Variants in PRRC2B observed in about 807,000 individuals in gnomAD.
PRRC2B encodes the protein protein PRRC2B.
In PRRC2B, 68 loss-of-function variants were observed where a neutral mutation model predicts 242.3. That is an observed-to-expected ratio of 0.28 (90% CI 0.23 to 0.34). The LOEUF (loss-of-function observed/expected upper bound fraction) is 0.34, where lower values mean the gene tolerates loss of function less well. Ranked by LOEUF, PRRC2B falls within the 10% of genes least tolerant of loss-of-function variation. The pLI is 1.00. For synonymous variants in PRRC2B, 1,228 were observed against 1,173.6 expected, an observed-to-expected ratio of 1.05 and a Z score of -0.95; for missense variants, 2,835 against 2,954.8, an observed-to-expected ratio of 0.96 and a Z score of 0.94.
intron 26 of PRRC2B, 136 bp downstream of exon 26, chr9:131,486,318 C>G (rs573881899): frequency 1.2e-6 from 1 of 834,606 alleles, no homozygotes; most frequent in Non-Finnish European, 1.8e-6. Context: ...CAGCACCTGG[C>G]CCGCCACGGC....
chr9:131,491,248 C>T (rs952726825), intron 28 of PRRC2B, 177 bp from the exon 29 acceptor site: 111 of 613,670 alleles, frequency 1.8e-4, no homozygotes, highest in African/African-American at 3.8e-5. Context: ...GGTGTGAAAT[C>T]CTGGGCGATC....
intron 1 of PRRC2B, among the ~76,000 whole-genome samples, chr9:131,394,487 G>A (rs1245869588): frequency 6.8e-6 from 1 of 147,410 alleles, no homozygotes; most frequent in South Asian, 2.1e-4. Flanking sequence ...GGCGGGCCCG[G>A]GCGCGCTCGC....
intron 3 of PRRC2B, 72 bp from the exon 4 acceptor site, chr9:131,436,548 C>A: frequency 1.7e-6 from 2 of 1,196,668 alleles, no homozygotes; most frequent in Non-Finnish European, 2.4e-6. Context: ...ACAGCTGTGG[C>A]TCCTGAGAAC....
intron 1 of PRRC2B, among the ~76,000 whole-genome samples, chr9:131,420,039 G>A (rs956613387): frequency 1.2e-4 from 18 of 152,070 alleles, no homozygotes; most frequent in African/African-American, 4.1e-4. Flanking sequence ...CTGGGGGTGG[G>A]GAGTGCTTCT....
intron 1 of PRRC2B, among the ~76,000 whole-genome samples, chr9:131,423,188 ATGCTAACC>A (rs1837889001): frequency 6.6e-6 from 1 of 152,218 alleles, no homozygotes; most frequent in Non-Finnish European, 1.5e-5. Context: ...GGTTTGACTT[ATGCTAACC>A]TGCGAGGACT....
Position 131,487,004 on chromosome 9 carries a change from G to A in PRRC2B, c.5857-163G>A, listed in dbSNP as rs556937229. Among the ~76,000 whole-genome samples the A allele has an allele frequency of 6.6e-6, 1 of 152,252 alleles. No individual in the cohort carries two copies. The highest frequency in any genetic ancestry group is 2.4e-5 in the African/African-American group (1 of 41,528). On this transcript the variant is annotated intron_variant, in intron 26 of 31. Transcript: ENST00000683519. The surrounding 1 kb of genome is among the most constrained non-coding windows in gnomAD (Gnocchi z 5.3). ...GGTTGCTACCAGTTTTTCATTATAG[G>A]CTTTATCCCAATAGCAAGGGAAGCC...
intron 1 of PRRC2B, among the ~76,000 whole-genome samples, chr9:131,400,627 G>A (rs1482111460): frequency 2.6e-5 from 4 of 151,976 alleles, no homozygotes; most frequent in Admixed American, 1.3e-4. Flanking sequence ...CACCCAGGCT[G>A]TTTCAGACTC....
chr9:131,430,329 C>A, intron 2 of PRRC2B, 70 bp downstream of exon 2: 1 of 941,178 alleles, frequency 1.1e-6, no homozygotes, highest in Non-Finnish European at 1.7e-6. Flanking sequence ...ACCCAGAGTC[C>A]CTCACCTGGT....
rs1205030101 is a variant in PRRC2B at position 131,498,618 on chromosome 9, T to G, written c.*2744T>G. On this transcript the variant is annotated 3_prime_UTR_variant, in exon 32 of 32. Transcript: ENST00000683519. ...TTATTTTGTTTTCAAACCCCCATCC[T>G]CAGAGCGCAGATACATGCAGAGGCT... The G allele has an allele frequency of 1.3e-5, 2 of 152,250 alleles. No homozygotes were observed. The highest frequency in any genetic ancestry group is 6.3e-3 in the Middle Eastern group (2 of 316). The allele number at this position is 152,250 out of a possible 1,614,324, so 9.4% of individuals were successfully genotyped here. A position where few individuals can be genotyped will look rare whatever the true frequency, so the allele number is the denominator to read the frequency against.
rs902621536 is a variant in PRRC2B, at chr9:131,477,655, G to T, written c.4407-89G>T. ...GCTAGAGGAAGTGGGCCTAGATCAG[G>T]GTGCCGGGCTTGTGTGCAGGCTGTG... On this transcript the variant is annotated intron_variant, in intron 16 of 31. Coordinates refer to ENST00000683519, the MANE Select transcript of PRRC2B (RefSeq NM_013318.4). 7.8e-6 allele frequency: 6 copies of T among 773,544 alleles called. No homozygotes were observed. In the Admixed American group the frequency reaches 1.4e-4, roughly 18 times the overall value. The allele number at this position is 773,544 out of a possible 1,614,324, so 47.9% of individuals were successfully genotyped here.
chr9:131,400,344 C>T (rs1365707357), intron 1 of PRRC2B, among the ~76,000 whole-genome samples: 1 of 150,116 alleles, frequency 6.7e-6, no homozygotes, highest in Non-Finnish European at 1.5e-5. Context: ...TTTGAGATGG[C>T]ATCTTGTTCT....
chr9:131,488,320 G>A (rs148591480), intron 28 of PRRC2B, among the ~76,000 whole-genome samples: 2,808 of 150,566 alleles, frequency 0.019, 96 homozygotes, highest in African/African-American at 0.065. Context: ...CTGGAGTGCA[G>A]TGGCATGATC....
At chr9:131,447,389 A>G (rs1056091754) in intron 8 of PRRC2B, among the ~76,000 whole-genome samples, 183 bp downstream of exon 8, 3 of 152,016 alleles carry the variant, frequency 2.0e-5, no homozygotes, top group South Asian at 2.1e-4. Flanking sequence ...AGATTGAGTC[A>G]TGATTTCAAG....
chr9:131,397,532 C>T (rs1375913205), intron 1 of PRRC2B, among the ~76,000 whole-genome samples: 1 of 135,444 alleles, frequency 7.4e-6, no homozygotes, highest in Admixed American at 7.3e-5. Context: ...CTTTTTTTAT[C>T]CTGAAGGATT....
intron 14 of PRRC2B, among the ~76,000 whole-genome samples, chr9:131,472,635 C>A (rs1180735645): frequency 6.6e-6 from 1 of 152,166 alleles, no homozygotes; most frequent in East Asian, 1.9e-4. Context: ...TGCCACCATG[C>A]CTGGCTGATT....
intron 4 of PRRC2B, among the ~76,000 whole-genome samples, chr9:131,438,370 CAG>C (rs781323426): frequency 7.9e-5 from 12 of 152,234 alleles, no homozygotes; most frequent in South Asian, 2.1e-4. Context: ...AGAGCCTTCT[CAG>C]GGGGTGGTGA....
intron 1 of PRRC2B, among the ~76,000 whole-genome samples, chr9:131,424,579 G>A (rs956989610): frequency 3.9e-5 from 6 of 152,028 alleles, no homozygotes; most frequent in African/African-American, 7.2e-5. Context: ...CCAGCTACTC[G>A]GGAGGCTGAG....
At chr9:131,495,585 G>C (rs1204608410) in intron 31 of PRRC2B, among the ~76,000 whole-genome samples, 155 bp from the exon 32 acceptor site, 1 of 152,198 alleles carries the variant, frequency 6.6e-6, no homozygotes, top group African/African-American at 2.4e-5. Flanking sequence ...CTTACTAGGA[G>C]GGGGGTTTCT....
At chr9:131,423,941 G>T (rs919075475) in intron 1 of PRRC2B, among the ~76,000 whole-genome samples, 8 of 147,064 alleles carry the variant, frequency 5.4e-5, no homozygotes, top group Non-Finnish European at 9.0e-5. Flanking sequence ...TTTCTGCTAC[G>T]TTTTTTTTTT....
Sources: gnomAD v4.1 joint callset for allele counts (sites outside exome capture counted in the v4.1 genomes callset) on GRCh38, gnomAD v4.1.1 for gene constraint, Gnocchi (gnomAD v3.1) non-coding constraint, MANE v1.5 for transcripts, NCBI Gene and HGNC (gene_info 2026-07-23, HGNC 2026-07-21) for gene names.